The following LPP variants were observed in gnomAD, a reference collection of about 807,000 sequenced individuals.
The protein encoded by LPP is LIM domain containing preferred translocation partner in lipoma, also known as lipoma-preferred partner.
A neutral mutation model predicts 60.4 loss-of-function variants in LPP; 38 were observed. That is an observed-to-expected ratio of 0.63 (90% CI 0.49 to 0.83). The LOEUF is 0.83. LPP is among the 40% of genes least tolerant of loss of function. LPP has a pLI of 0.00. For synonymous variants in LPP, 328 were observed against 290.8 expected (o/e 1.13, Z -1.30); for missense variants, 902 against 783.6 (o/e 1.15, Z -1.80).
intron 2 of LPP, among the ~76,000 whole-genome samples, chr3:188,309,022 CT>C (rs777945680): frequency 1.2e-3 from 146 of 119,710 alleles, no homozygotes; most frequent in Admixed American, 1.9e-3. Flanking sequence ...TCTTCTTCTT[CT>C]TTTTTTTTTT....
chr3:188,390,420 C>T (rs1190944843), intron 3 of LPP, among the ~76,000 whole-genome samples: 2 of 151,998 alleles, frequency 1.3e-5, no homozygotes, highest in African/African-American at 4.8e-5. Context: ...ATGTATATCA[C>T]TCTGCTATTT....
intron 6 of LPP, among the ~76,000 whole-genome samples, chr3:188,576,721 C>T (rs1321653225): frequency 6.6e-6 from 1 of 152,032 alleles, no homozygotes; most frequent in East Asian, 1.9e-4. Context: ...ATATTTTGTC[C>T]AAAATGAGAG....
intron 8 of LPP, chr3:188,709,034 T>C (rs1866066474): frequency 6.6e-6 from 1 of 152,234 alleles, no homozygotes; most frequent in Non-Finnish European, 1.5e-5. Context: ...TATTGTCTGA[T>C]ATCCAATTTC....
At chr3:188,628,532 T>C in intron 7 of LPP, among the ~76,000 whole-genome samples, 1 of 151,898 alleles carries the variant, frequency 6.6e-6, no homozygotes, top group East Asian at 1.9e-4. Flanking sequence ...ACATAAAACC[T>C]CACAAGATTG....
intron 4 of LPP, among the ~76,000 whole-genome samples, chr3:188,438,354 T>TACAC (rs67832532): frequency 6.5e-5 from 9 of 138,010 alleles, no homozygotes; most frequent in African/African-American, 2.5e-4. Context: ...TTCCATGCAT[T>TACAC]ACACACACAC....
chr3:188,795,740 T>C (rs1745145229), intron 9 of LPP, among the ~76,000 whole-genome samples: 1 of 152,204 alleles, frequency 6.6e-6, no homozygotes, highest in South Asian at 2.1e-4. Context: ...CTACTGTGGA[T>C]CAGCATACTT....
At chr3:188,765,832 A>T (rs1187845295) in intron 9 of LPP, among the ~76,000 whole-genome samples, 1 of 140,564 alleles carries the variant, frequency 7.1e-6, no homozygotes, top group African/African-American at 2.7e-5. Flanking sequence ...TTGCACCACC[A>T]CGTGCAACGT....
At chr3:188,176,494 G>A (rs1010548153) in intron 1 of LPP, among the ~76,000 whole-genome samples, 2 of 151,852 alleles carry the variant, frequency 1.3e-5, no homozygotes, top group Non-Finnish European at 2.9e-5. Flanking sequence ...ACAATATTAT[G>A]TTTAGTTCTA....
intron 3 of LPP, among the ~76,000 whole-genome samples, chr3:188,377,611 T>G (rs1775540350): frequency 6.6e-6 from 1 of 152,034 alleles, no homozygotes; most frequent in Non-Finnish European, 1.5e-5. Flanking sequence ...ATTCGTCTAA[T>G]TTTTTTTCAA....
At chr3:188,390,446 G>A (rs79944812) in intron 3 of LPP, among the ~76,000 whole-genome samples, 1,875 of 151,682 alleles carry the variant, frequency 0.012, 30 homozygotes, top group African/African-American at 0.036. Flanking sequence ...ATGCTCTTAC[G>A]TTTAGTATTT....
intron 3 of LPP, among the ~76,000 whole-genome samples, chr3:188,401,010 C>G (rs927790359): frequency 6.6e-5 from 10 of 152,106 alleles, no homozygotes; most frequent in Admixed American, 4.6e-4. Context: ...AGAAAGCACT[C>G]TAAAATATTA....
At chr3:188,263,684 G>T (rs1198920568) in intron 2 of LPP, among the ~76,000 whole-genome samples, 3 of 152,202 alleles carry the variant, frequency 2.0e-5, no homozygotes, top group South Asian at 2.1e-4. Flanking sequence ...GTTTAACAGT[G>T]ACTAGCTCAT....
At chr3:188,710,353 G>A (rs1487887985) in intron 8 of LPP, 2 of 152,106 alleles carry the variant, frequency 1.3e-5, no homozygotes, top group African/African-American at 4.8e-5. Context: ...AAGCAATACT[G>A]GCATGTCACC....
intron 2 of LPP, among the ~76,000 whole-genome samples, chr3:188,292,881 G>T (rs1746493256): frequency 6.6e-6 from 1 of 152,180 alleles, no homozygotes; most frequent in Admixed American, 6.5e-5. Context: ...TACGTCATCT[G>T]GTAATTTTAT....
chr3:188,319,151 A>C (rs930850115), intron 2 of LPP, among the ~76,000 whole-genome samples: 2 of 152,188 alleles, frequency 1.3e-5, no homozygotes, highest in African/African-American at 4.8e-5. Context: ...CAGACACTGA[A>C]TCTCCACAGA....
chr3:188,577,744 T>TTTTC (rs1560587330), intron 6 of LPP, among the ~76,000 whole-genome samples: 2 of 41,428 alleles, frequency 4.8e-5, no homozygotes, highest in African/African-American at 5.6e-5. Context: ...TTCCTTCCTT[T>TTTTC]GTTCCTTCGT....
chr3:188,522,744 A>G (rs1819229363), intron 5 of LPP, among the ~76,000 whole-genome samples: 1 of 148,806 alleles, frequency 6.7e-6, no homozygotes, highest in Admixed American at 6.7e-5. Flanking sequence ...CAGAAGGAGA[A>G]AATCATAAGG....
At chr3:188,737,653 C>T (rs957114931) in intron 8 of LPP, among the ~76,000 whole-genome samples, 1 of 152,146 alleles carries the variant, frequency 6.6e-6, no homozygotes, top group African/African-American at 2.4e-5. Flanking sequence ...CAGATACCAC[C>T]TCAGCACCAG....
intron 2 of LPP, among the ~76,000 whole-genome samples, chr3:188,248,497 T>TATATATATATATATATATATATATACAC (rs1288280759): frequency 7.1e-6 from 1 of 140,728 alleles, no homozygotes; most frequent in South Asian, 2.3e-4. Context: ...TATATATATA[T>TATATATATATATATATATATATATACAC]ACAGTCAGCA....
Sources: gnomAD v4.1 joint callset for allele counts (sites outside exome capture counted in the v4.1 genomes callset) on GRCh38, gnomAD v4.1.1 for gene constraint, MANE v1.5 for transcripts, NCBI Gene and HGNC (gene_info 2026-07-23, HGNC 2026-07-21) for gene names.